Variants in SND1 observed in about 807,000 individuals in gnomAD.
SND1 encodes staphylococcal nuclease domain-containing protein 1.
SND1 carries 38 observed loss-of-function variants against 121.7 expected under a neutral mutation model. That is an observed-to-expected ratio of 0.31 (90% CI 0.24 to 0.41). SND1 has a LOEUF of 0.41. Among genes scored for constraint, SND1 ranks in the 10% least tolerant of loss-of-function variants. The pLI is 1.00. For synonymous variants in SND1, 401 were observed against 447.4 expected, an observed-to-expected ratio of 0.90 and a Z score of 1.31; for missense variants, 868 against 1,184.6, an observed-to-expected ratio of 0.73 and a Z score of 3.92.
chr7:128,015,874 G>A lies in SND1; in HGVS notation c.1779+24818G>A, dbSNP rs1201275479. Among the ~76,000 whole-genome samples the A allele has an allele frequency of 6.6e-6, 1 of 152,200 alleles. No individual in the cohort carries two copies. Among genetic ancestry groups the A allele is most frequent in the Admixed American group, 6.5e-5 (1 of 15,278 alleles). On this transcript the variant is annotated intron_variant, in intron 16 of 23. Coordinates refer to ENST00000354725, the MANE Select transcript of SND1 (RefSeq NM_014390.4). The surrounding 1 kb of genome is among the most constrained non-coding windows in gnomAD (Gnocchi z 4.5). ...CTCTGGCAGCAGCCTATCGAAGGGA[G>A]AGAATCCTGGGGCAGCAGCCTACCA...
intron 11 of SND1, among the ~76,000 whole-genome samples, chr7:127,840,273 T>G (rs1331501340): frequency 1.3e-5 from 2 of 152,208 alleles, no homozygotes; most frequent in African/African-American, 4.8e-5. Context: ...GATGCTCTGA[T>G]GTTCTAATCT....
At chr7:127,801,208 C>T (rs1428701301) in intron 10 of SND1, among the ~76,000 whole-genome samples, 1 of 152,200 alleles carries the variant, frequency 6.6e-6, no homozygotes, top group African/African-American at 2.4e-5. Context: ...AAGTATTTAA[C>T]CTTTTTATAC....
chr7:128,027,778 AC>A (rs1803520441), intron 16 of SND1: 2 of 152,216 alleles, frequency 1.3e-5, no homozygotes, highest in East Asian at 3.8e-4. Flanking sequence ...TCCTGTGAAT[AC>A]ATTCTCTCTG....
chr7:127,896,876 G>A (rs1408527490), intron 13 of SND1, among the ~76,000 whole-genome samples: 2 of 152,026 alleles, frequency 1.3e-5, no homozygotes, highest in Non-Finnish European at 2.9e-5. Context: ...TGGCTCATCT[G>A]CAGCGTCAGG....
At chr7:127,931,335 T>C (rs771648414) in intron 15 of SND1, among the ~76,000 whole-genome samples, 1 of 152,232 alleles carries the variant, frequency 6.6e-6, no homozygotes, top group Non-Finnish European at 1.5e-5. Context: ...AGCCAAAGTC[T>C]AATCCAGAGA....
At chr7:127,858,815 A>G (rs944606092) in intron 12 of SND1, among the ~76,000 whole-genome samples, 2 of 152,202 alleles carry the variant, frequency 1.3e-5, no homozygotes, top group African/African-American at 4.8e-5. Context: ...CTTATCTAGA[A>G]TGATTAGATT....
intron 10 of SND1, among the ~76,000 whole-genome samples, chr7:127,756,944 C>G (rs532845086): frequency 4.6e-5 from 7 of 152,190 alleles, no homozygotes; most frequent in African/African-American, 1.7e-4. Flanking sequence ...AAATTGAGGT[C>G]AATATCCAGT....
chr7:128,032,214 C>T (rs1292083710), intron 16 of SND1: 6 of 151,518 alleles, frequency 4.0e-5, no homozygotes, highest in Admixed American at 3.9e-4. Context: ...ACGCCGGCGC[C>T]TTCCAGCGCC....
intron 10 of SND1, among the ~76,000 whole-genome samples, chr7:127,769,179 C>T (rs763059457): frequency 2.6e-5 from 4 of 151,668 alleles, no homozygotes; most frequent in Non-Finnish European, 4.4e-5. Flanking sequence ...TAGCTGCTGG[C>T]GTAGAATTAA....
intron 13 of SND1, among the ~76,000 whole-genome samples, chr7:127,889,913 A>T (rs965933371): frequency 6.6e-6 from 1 of 151,970 alleles, no homozygotes; most frequent in Non-Finnish European, 1.5e-5. Context: ...CAGTTTCTTT[A>T]TCCGTTCATC....
intron 12 of SND1, chr7:127,857,860 T>A: frequency 7.9e-7 from 1 of 1,261,508 alleles, no homozygotes; most frequent in Non-Finnish European, 1.2e-6. Context: ...GGTGTAGAGG[T>A]CAAAGTCAAT....
At chr7:128,043,098 GA>G (rs1792883297) in intron 16 of SND1, among the ~76,000 whole-genome samples, 1 of 152,152 alleles carries the variant, frequency 6.6e-6, no homozygotes. Flanking sequence ...TCTACCCCCT[GA>G]ACAGCTCCAT....
intron 16 of SND1, chr7:127,999,597 G>C (rs916722677): frequency 6.6e-6 from 1 of 152,086 alleles, no homozygotes; most frequent in Admixed American, 6.6e-5. Flanking sequence ...TGCTAGAAGG[G>C]TCCACAGTAC....
At chr7:127,963,538 A>G (rs1801785108) in intron 15 of SND1, among the ~76,000 whole-genome samples, 2 of 90,166 alleles carry the variant, frequency 2.2e-5, no homozygotes, top group Non-Finnish European at 4.3e-5. Context: ...TTTACTGAGA[A>G]TGATGGTTTC....
chr7:127,728,862 G>T (rs1796625346), intron 10 of SND1, among the ~76,000 whole-genome samples: 1 of 152,144 alleles, frequency 6.6e-6, no homozygotes, highest in African/African-American at 2.4e-5. Context: ...ATCTTGACTT[G>T]AGCCAATGTG....
intron 1 of SND1, among the ~76,000 whole-genome samples, chr7:127,673,909 C>T (rs1421436690): frequency 2.6e-5 from 4 of 152,126 alleles, no homozygotes; most frequent in African/African-American, 9.7e-5. Context: ...TTGTACTTTC[C>T]CTGCCGCAAC....
rs1417799013 is a variant in SND1, at chr7:128,029,794, G to A, written c.1779+38738G>A. 1 of 1,613,954 alleles carries A rather than the reference G, an allele frequency of 6.2e-7. No individual in the cohort carries two copies. The highest frequency in any genetic ancestry group is 1.3e-5 in the African/African-American group (1 of 75,048). ...TACCTCAGCGGGGTAAAGAGGTCAT[G>A]GGGCAAAGAAGAGAGGTTATTGTGG... is the stretch of plus-strand genomic sequence containing the variant. On this transcript the variant is annotated intron_variant, in intron 16 of 23. Coordinates refer to ENST00000354725, the MANE Select transcript of SND1 (RefSeq NM_014390.4). This position sits in a 1 kb window ranked among gnomAD's most constrained non-coding sequence, Gnocchi z 4.2.
chr7:128,088,654 T>C (rs994903892), intron 21 of SND1, among the ~76,000 whole-genome samples: 1 of 151,824 alleles, frequency 6.6e-6, no homozygotes, highest in Non-Finnish European at 1.5e-5. Context: ...GGTTTCACCA[T>C]GTTGGCCAGG....
At chr7:127,736,174 G>A (rs992831616) in intron 10 of SND1, among the ~76,000 whole-genome samples, 20 of 152,152 alleles carry the variant, frequency 1.3e-4, no homozygotes, top group Non-Finnish European at 2.4e-4. Flanking sequence ...GATGGCTTGC[G>A]TTTCTGCTTT....
Sources: allele counts gnomAD v4.1 joint callset (sites outside exome capture counted in the v4.1 genomes callset), GRCh38; gene constraint gnomAD v4.1.1; non-coding constraint Gnocchi (gnomAD v3.1); transcripts MANE v1.5; gene names NCBI Gene and HGNC (gene_info 2026-07-23, HGNC 2026-07-21).